The following SLIT3 variants were observed in gnomAD, a reference collection of about 807,000 sequenced individuals.
SLIT3 encodes slit guidance ligand 3.
A neutral mutation model predicts 184.0 loss-of-function variants in SLIT3; 68 were observed. The ratio of observed to expected loss-of-function variants is 0.37; its 90% confidence interval spans 0.30 to 0.45. The LOEUF is 0.45. Among genes scored for constraint, SLIT3 ranks in the 20% least tolerant of loss-of-function variants. SLIT3 has a pLI of 1.00. For synonymous variants in SLIT3, 831 were observed against 828.6 expected, an observed-to-expected ratio of 1.00 and a Z score of -0.05; for missense variants, 1,707 against 2,026.0, an observed-to-expected ratio of 0.84 and a Z score of 3.02.
chr5:169,244,023 C>T (rs1021882911), intron 3 of SLIT3, among the ~76,000 whole-genome samples: 6 of 152,206 alleles, frequency 3.9e-5, no homozygotes, highest in African/African-American at 9.6e-5. Flanking sequence ...CAAAGTAATC[C>T]AAGAGTTTTC....
intron 1 of SLIT3, among the ~76,000 whole-genome samples, chr5:169,264,941 A>G (rs937460161): frequency 1.3e-5 from 2 of 152,224 alleles, no homozygotes; most frequent in African/African-American, 4.8e-5. Flanking sequence ...TCTCGCATAT[A>G]TAATTTTACA....
Position 169,224,377 on chromosome 5 carries a change from A to AT in SLIT3, c.341+20327dup, listed in dbSNP as rs759020436. 3.6e-3 allele frequency among the ~76,000 whole-genome samples: 329 copies of AT among 90,486 alleles called. 5 individuals are homozygous for AT. The highest frequency in any genetic ancestry group is 0.012 in the African/African-American group (308 of 25,856). 59.4% of individuals were successfully genotyped at this position (90,486 alleles called of 152,430 possible). A position where few individuals can be genotyped will look rare whatever the true frequency, so the allele number is the denominator to read the frequency against. ...ATTTAAAATTTTTTATTATTTATTT[A>AT]TTTATTTATTTTTTTTGAGACTAGG... On this transcript the variant is annotated intron_variant, in intron 3 of 35. Transcript: ENST00000519560.
chr5:168,889,966 A>T (rs2113805189), intron 4 of SLIT3, among the ~76,000 whole-genome samples: 1 of 152,192 alleles, frequency 6.6e-6, no homozygotes, highest in South Asian at 2.1e-4. Flanking sequence ...AACATGGTGA[A>T]ACACCAACTC....
intron 10 of SLIT3, chr5:168,792,232 C>T (rs1756403143): frequency 2.0e-5 from 3 of 152,382 alleles, no homozygotes; most frequent in South Asian, 4.1e-4. Flanking sequence ...CATGCATGAC[C>T]CTGTCCCTAG....
Position 168,696,469 on chromosome 5 carries a change from G to A in SLIT3, c.2943-38C>T, listed in dbSNP as rs1323613952. The A allele has an allele frequency of 1.9e-6, 3 of 1,612,014 alleles. No individual in the cohort carries two copies. The South Asian group carries it at 3.3e-5, about 18-fold the overall frequency. On this transcript the variant is annotated intron_variant, in intron 27 of 35. Coordinates refer to ENST00000519560, the MANE Select transcript of SLIT3 (RefSeq NM_003062.4). ...AGGGGTGGAGAGCAGGGGAGTCAGG[G>A]GTCAGGGAGAGAGGTGGGTTGGGAT...
intron 8 of SLIT3, among the ~76,000 whole-genome samples, chr5:168,814,405 AC>A (rs2113650088): frequency 9.2e-6 from 1 of 108,494 alleles, no homozygotes; most frequent in African/African-American, 3.1e-5. Flanking sequence ...AAGCAAACAA[AC>A]AAACAAACAA....
intron 4 of SLIT3, among the ~76,000 whole-genome samples, chr5:169,006,595 TCTCTCTCTCTCA>T (rs761772034): frequency 3.8e-4 from 56 of 149,076 alleles, no homozygotes; most frequent in African/African-American, 1.2e-3. Flanking sequence ...TCTCTCTCTC[TCTCTCTCTCTCA>T]CACACACACA....
intron 26 of SLIT3, chr5:168,707,766 T>G: frequency 3.6e-6 from 2 of 558,428 alleles, no homozygotes; most frequent in Non-Finnish European, 6.4e-6. Flanking sequence ...GTCAAGACCA[T>G]ATGGGGGCCT....
At position 168,664,447 on chromosome 5, in the gene SLIT3, T is replaced by C. The variant is rs1167887302; in HGVS notation, c.*2007A>G. ...AACATAATGGAGATTTACATGCACATTTTTAGATAAATTCCTCAGCTATAT... is the reference window on the plus strand; with the variant it reads ...AACATAATGGAGATTTACATGCACACTTTTAGATAAATTCCTCAGCTATAT... On this transcript the variant is annotated 3_prime_UTR_variant, in exon 36 of 36. Transcript: ENST00000519560. 6.6e-6 allele frequency: 1 copy of C among 152,186 alleles called. No homozygotes were observed. Among genetic ancestry groups the C allele is most frequent in the Non-Finnish European group, 1.5e-5 (1 of 68,036 alleles). The allele number at this position is 152,186 out of a possible 1,614,324, so 9.4% of individuals were successfully genotyped here.
At chr5:169,144,889 G>A (rs1278366599) in intron 4 of SLIT3, among the ~76,000 whole-genome samples, 1 of 152,096 alleles carries the variant, frequency 6.6e-6, no homozygotes, top group African/African-American at 2.4e-5. Flanking sequence ...TTGCCTGCCT[G>A]GGACGATGCA....
chr5:169,248,378 C>T (rs1765668386), intron 2 of SLIT3, among the ~76,000 whole-genome samples: 1 of 152,162 alleles, frequency 6.6e-6, no homozygotes, highest in Admixed American at 6.5e-5. Context: ...ACCTGGCAAT[C>T]AGAGGCTCAA....
At chr5:168,718,993 A>G (rs1762851626) in intron 23 of SLIT3, among the ~76,000 whole-genome samples, 1 of 152,224 alleles carries the variant, frequency 6.6e-6, no homozygotes, top group Non-Finnish European at 1.5e-5. Context: ...TTAAAAAGCC[A>G]ATCTTTCTTC....
At chr5:168,816,682 G>A (rs551562844) in intron 8 of SLIT3, among the ~76,000 whole-genome samples, 4 of 152,304 alleles carry the variant, frequency 2.6e-5, no homozygotes, top group African/African-American at 9.6e-5. Flanking sequence ...AGCACATTTT[G>A]TGAGCCCACT....
At chr5:168,947,379 A>C (rs1379266824) in intron 4 of SLIT3, among the ~76,000 whole-genome samples, 1 of 152,032 alleles carries the variant, frequency 6.6e-6, no homozygotes, top group Non-Finnish European at 1.5e-5. Flanking sequence ...CTGCAGGGAG[A>C]GCCACCGTCT....
chr5:169,176,331 G>A (rs1762983278), intron 4 of SLIT3, among the ~76,000 whole-genome samples: 1 of 152,202 alleles, frequency 6.6e-6, no homozygotes, highest in Admixed American at 6.5e-5. Flanking sequence ...GGCAAGGTAT[G>A]AATGCCAGGT....
chr5:169,065,660 A>G (rs1758328003), intron 4 of SLIT3, among the ~76,000 whole-genome samples: 1 of 152,204 alleles, frequency 6.6e-6, no homozygotes, highest in Admixed American at 6.5e-5. Context: ...GGGTCCTGGG[A>G]GCACTGCTAT....
chr5:168,973,030 C>T (rs1169504045), intron 4 of SLIT3, among the ~76,000 whole-genome samples: 1 of 152,136 alleles, frequency 6.6e-6, no homozygotes, highest in African/African-American at 2.4e-5. Context: ...CTTAGATGAC[C>T]TCTGAAATTC....
intron 3 of SLIT3, among the ~76,000 whole-genome samples, chr5:169,203,896 G>A (rs1054733183): frequency 3.9e-5 from 6 of 152,140 alleles, no homozygotes; most frequent in African/African-American, 1.2e-4. Flanking sequence ...ATTTGGATAT[G>A]TTAAATTTGA....
intron 5 of SLIT3, among the ~76,000 whole-genome samples, chr5:168,868,480 C>T (rs972092201): frequency 1.3e-5 from 2 of 152,008 alleles, no homozygotes; most frequent in Admixed American, 6.6e-5. Context: ...CCGGGCGCAG[C>T]GGCTCACGCC....
Sources: gnomAD v4.1 joint callset for allele counts (sites outside exome capture counted in the v4.1 genomes callset) on GRCh38, gnomAD v4.1.1 for gene constraint, MANE v1.5 for transcripts, NCBI Gene and HGNC (gene_info 2026-07-23, HGNC 2026-07-21) for gene names.